SNX29: variants seen among roughly 807,000 people sequenced by gnomAD.
The protein encoded by SNX29 is sorting nexin-29.
Under a neutral mutation model 102.1 loss-of-function variants are expected in SNX29, and 78 were observed. The ratio of observed to expected loss-of-function variants is 0.76; its 90% CI spans 0.64 to 0.92. The LOEUF (loss-of-function observed/expected upper bound fraction) is 0.92, where lower values mean the gene tolerates loss of function less well. Ranked by LOEUF, SNX29 falls within the 40% of genes least tolerant of loss-of-function variation. The probability of loss-of-function intolerance (pLI) is 0.00; values close to 1 mark genes in which losing one functional copy is unlikely to be tolerated. For missense variants in SNX29, 1,280 were observed against 1,061.7 expected (o/e 1.21, Z -2.86); for synonymous variants, 580 against 414.5 (o/e 1.40, Z -4.85).
At chr16:12,210,387 G>A (rs187113060) in intron 14 of SNX29, among the ~76,000 whole-genome samples, 60 of 151,072 alleles carry the variant, frequency 4.0e-4, no homozygotes, top group Admixed American at 2.6e-3. Context: ...GAGCGCAGCT[G>A]GACGATCATA....
chr16:12,409,133 C>G (rs1166584112), intron 18 of SNX29, among the ~76,000 whole-genome samples: 5 of 152,180 alleles, frequency 3.3e-5, no homozygotes, highest in Non-Finnish European at 7.3e-5. Context: ...GTGAGTACTT[C>G]TTACACGGTA....
intron 20 of SNX29, among the ~76,000 whole-genome samples, chr16:12,564,152 C>T (rs991911176): frequency 4.6e-5 from 7 of 152,052 alleles, no homozygotes; most frequent in African/African-American, 1.4e-4. Context: ...ACTTGGGAGG[C>T]CTGAGGTAGA....
chr16:12,381,899 C>T (rs2083178747), intron 16 of SNX29, among the ~76,000 whole-genome samples: 1 of 149,906 alleles, frequency 6.7e-6, no homozygotes, highest in African/African-American at 2.5e-5. Flanking sequence ...ACCCCCACTC[C>T]CGTCATCCAT....
At chr16:12,170,014 G>A in intron 13 of SNX29, among the ~76,000 whole-genome samples, 1 of 152,106 alleles carries the variant, frequency 6.6e-6, no homozygotes, top group East Asian at 1.9e-4. Context: ...TTCTAGATCG[G>A]GTTTCTTGCT....
intron 16 of SNX29, among the ~76,000 whole-genome samples, chr16:12,383,901 T>G (rs1896325429): frequency 6.6e-6 from 1 of 151,762 alleles, no homozygotes; most frequent in African/African-American, 2.4e-5. Context: ...GTAACTATCA[T>G]TCTACTCTCT....
At chr16:12,052,773 A>G (rs902951596) in intron 8 of SNX29, 2 of 162,020 alleles carry the variant, frequency 1.2e-5, no homozygotes, top group African/African-American at 2.4e-5. Flanking sequence ...TTATACATAC[A>G]TCTGTCATTT....
At chr16:12,451,575 C>T (rs1044889911) in intron 18 of SNX29, among the ~76,000 whole-genome samples, 6 of 152,310 alleles carry the variant, frequency 3.9e-5, no homozygotes, top group East Asian at 3.9e-4. Context: ...ATTCAAGAAA[C>T]GGATGGGGCC....
At chr16:12,011,814 T>C (rs1409143938) in intron 3 of SNX29, among the ~76,000 whole-genome samples, 1 of 152,128 alleles carries the variant, frequency 6.6e-6, no homozygotes, top group Admixed American at 6.6e-5. Context: ...TTGGACTGAC[T>C]TAGCTCCTTT....
At chr16:12,141,315 A>G (rs1030382810) in intron 13 of SNX29, among the ~76,000 whole-genome samples, 21 of 152,238 alleles carry the variant, frequency 1.4e-4, no homozygotes, top group African/African-American at 5.1e-4. Flanking sequence ...TTGGCCTTTC[A>G]GGACAGTTAG....
chr16:12,566,270 G>A (rs2079002469), intron 20 of SNX29, among the ~76,000 whole-genome samples: 2 of 152,168 alleles, frequency 1.3e-5, no homozygotes, highest in Admixed American at 1.3e-4. Context: ...AGACAGCACT[G>A]CCCACAGCAG....
At chr16:12,322,446 T>C (rs966316712) in intron 15 of SNX29, among the ~76,000 whole-genome samples, 3 of 152,230 alleles carry the variant, frequency 2.0e-5, no homozygotes, top group Non-Finnish European at 2.9e-5. Flanking sequence ...GAGAAACTTC[T>C]CTGATCACAT....
At chr16:12,277,092 A>G (rs2079275314) in intron 14 of SNX29, among the ~76,000 whole-genome samples, 1 of 152,182 alleles carries the variant, frequency 6.6e-6, no homozygotes, top group African/African-American at 2.4e-5. Flanking sequence ...TGGCAAATAT[A>G]AAAGATGTAA....
intron 13 of SNX29, among the ~76,000 whole-genome samples, chr16:12,174,358 G>A (rs896351445): frequency 6.6e-6 from 1 of 152,190 alleles, no homozygotes; most frequent in African/African-American, 2.4e-5. Flanking sequence ...TGACCTCTTT[G>A]ACTGCAGAAA....
At position 12,118,808 on chromosome 16, in the gene SNX29, G is replaced by T. The variant is rs2053853371; in HGVS notation, c.1403-7825G>T. Among the ~76,000 whole-genome samples the T allele has an allele frequency of 2.6e-5, 4 of 152,150 alleles. No individual in the cohort carries two copies. In the South Asian group the frequency reaches 8.3e-4, roughly 32 times the overall value. On this transcript the variant is annotated intron_variant, in intron 11 of 20. Coordinates refer to ENST00000566228, the MANE Select transcript of SNX29 (RefSeq NM_032167.5). The stretch of plus-strand genomic sequence containing the variant: ...GATGCTCGGACTGTCTGTGGTCTCT[G>T]ATTTAGTCACTTCGAGGCTGCTGTG...
At chr16:12,559,921 G>A (rs956258208) in intron 20 of SNX29, among the ~76,000 whole-genome samples, 134 of 152,322 alleles carry the variant, frequency 8.8e-4, no homozygotes, top group African/African-American at 3.2e-3. Flanking sequence ...GGAGCTTGCA[G>A]TGAGTCGAGA....
At chr16:12,532,448 CAAT>C (rs1297851701) in intron 20 of SNX29, among the ~76,000 whole-genome samples, 4 of 152,034 alleles carry the variant, frequency 2.6e-5, no homozygotes, top group Non-Finnish European at 5.9e-5. Flanking sequence ...CTACTAAGCT[CAAT>C]ATTATTAAGC....
intron 14 of SNX29, among the ~76,000 whole-genome samples, chr16:12,252,392 C>T (rs2078447828): frequency 6.6e-6 from 1 of 152,232 alleles, no homozygotes; most frequent in African/African-American, 2.4e-5. Flanking sequence ...TGAGCCCCTG[C>T]CCCACTTCTT....
At chr16:12,243,054 C>T (rs887449809) in intron 14 of SNX29, among the ~76,000 whole-genome samples, 3 of 152,184 alleles carry the variant, frequency 2.0e-5, no homozygotes, top group African/African-American at 7.2e-5. Context: ...TTCACATGTC[C>T]GTCTTTCACG....
chr16:12,536,565 A>G (rs12924885), intron 20 of SNX29, among the ~76,000 whole-genome samples: 34,785 of 152,098 alleles, frequency 0.23, 4,177 homozygotes, highest in South Asian at 0.35. Flanking sequence ...CTACCTCAGA[A>G]AGTTGCAGAG....
Sources: allele counts gnomAD v4.1 joint callset (sites outside exome capture counted in the v4.1 genomes callset), GRCh38; gene constraint gnomAD v4.1.1; transcripts MANE v1.5; gene names NCBI Gene and HGNC (gene_info 2026-07-23, HGNC 2026-07-21).